EEPD1: variants seen among roughly 807,000 people sequenced by gnomAD.
The protein encoded by EEPD1 is endonuclease/exonuclease/phosphatase family domain-containing protein 1.
A neutral mutation model predicts 46.3 loss-of-function variants in EEPD1; 17 were observed. The observed-to-expected ratio is 0.37, with a 90% confidence interval of 0.25 to 0.55. The LOEUF (loss-of-function observed/expected upper bound fraction) is 0.55, where lower values mean the gene tolerates loss of function less well. Ranked by LOEUF, EEPD1 falls within the 20% of genes least tolerant of loss-of-function variation. The pLI, the probability that EEPD1 is intolerant of heterozygous loss-of-function variation, is 0.83. For synonymous variants in EEPD1, 313 were observed against 315.6 expected, an observed-to-expected ratio of 0.99 and a Z score of 0.09; for missense variants, 673 against 745.6, an observed-to-expected ratio of 0.90 and a Z score of 1.13.
Position 36,223,987 on chromosome 7 carries a change from C to T in EEPD1, c.879-14998C>T, listed in dbSNP as rs1786189423. Among the ~76,000 whole-genome samples the T allele has an allele frequency of 2.0e-5, 3 of 152,158 alleles. No individual in the cohort carries two copies. The South Asian group carries it at 6.2e-4, about 32-fold the overall frequency. On this transcript the variant is annotated intron_variant, in intron 2 of 7. Transcript: ENST00000242108. ...TTCTTTCTACATTTCAGTCTGTTCC[C>T]CTGCCTTTTCTTCCAAATTTTCCAG...
chr7:36,237,194 G>T lies in EEPD1; in HGVS notation c.879-1791G>T, dbSNP rs892244765. ...GAAACCACGAACCCACCATAAGGAA[G>T]AAACTCCGAACACGTCCAAACATCC... On this transcript the variant is annotated intron_variant, in intron 2 of 7. Coordinates refer to ENST00000242108, the MANE Select transcript of EEPD1 (RefSeq NM_030636.3). Among the ~76,000 whole-genome samples, 3 of 152,198 alleles carry T rather than the reference G, an allele frequency of 2.0e-5. No homozygotes were observed. The East Asian group carries it at 5.8e-4, about 29-fold the overall frequency.
intron 2 of EEPD1, among the ~76,000 whole-genome samples, chr7:36,227,945 C>T (rs920622004): frequency 5.9e-5 from 9 of 152,094 alleles, no homozygotes; most frequent in Non-Finnish European, 1.3e-4. Flanking sequence ...ACCTCAGCCT[C>T]CCAAAGTGAT....
At chr7:36,266,353 G>T (rs576361128) in intron 3 of EEPD1, among the ~76,000 whole-genome samples, 1 of 152,226 alleles carries the variant, frequency 6.6e-6, no homozygotes, top group South Asian at 2.1e-4. Flanking sequence ...GTAACCATAT[G>T]TGAAGAGACG....
chr7:36,157,564 A>C (rs1055320865), intron 2 of EEPD1, among the ~76,000 whole-genome samples: 1 of 152,166 alleles, frequency 6.6e-6, no homozygotes, highest in African/African-American at 2.4e-5. Context: ...AGTTTACCCA[A>C]ACCCACCAGG....
At chr7:36,296,214 T>C (rs1461850991) in intron 6 of EEPD1, among the ~76,000 whole-genome samples, 1 of 152,070 alleles carries the variant, frequency 6.6e-6, no homozygotes, top group Middle Eastern at 3.2e-3. Flanking sequence ...GGCTTTTCCC[T>C]TGGTCTCTTG....
chr7:36,298,306 T>C (rs1645559826), intron 7 of EEPD1, among the ~76,000 whole-genome samples: 1 of 152,166 alleles, frequency 6.6e-6, no homozygotes, highest in South Asian at 2.1e-4. Flanking sequence ...CTTTCAGTGG[T>C]TCCCTTCCTG....
intron 2 of EEPD1, among the ~76,000 whole-genome samples, chr7:36,194,561 A>G (rs1369129247): frequency 6.6e-6 from 1 of 152,114 alleles, no homozygotes. Context: ...AGTCTTCTGA[A>G]TCAAATCCCC....
chr7:36,165,045 GA>G (rs1311915919), intron 2 of EEPD1, among the ~76,000 whole-genome samples: 1 of 139,704 alleles, frequency 7.2e-6, no homozygotes, highest in East Asian at 2.0e-4. Flanking sequence ...AGTGAAGAAA[GA>G]AAAAACTTTT....
intron 2 of EEPD1, among the ~76,000 whole-genome samples, chr7:36,227,930 C>T (rs746800517): frequency 8.5e-5 from 13 of 152,068 alleles, no homozygotes; most frequent in African/African-American, 2.2e-4. Flanking sequence ...TCAGGTAATC[C>T]GCACACCTCA....
chr7:36,169,743 C>T (rs551768353), intron 2 of EEPD1, among the ~76,000 whole-genome samples: 16 of 152,284 alleles, frequency 1.1e-4, no homozygotes, highest in Non-Finnish European at 2.2e-4. Flanking sequence ...AAACAAACCC[C>T]GCATCTGGGA....
chr7:36,296,950 T>C (rs1202145281), intron 6 of EEPD1, 43 bp from the exon 7 acceptor site: 1 of 1,600,572 alleles, frequency 6.2e-7, no homozygotes, highest in East Asian at 2.2e-5. Flanking sequence ...TGGGTTTTAC[T>C]TCCCAACAAC....
At chr7:36,208,480 A>T (rs1471971968) in intron 2 of EEPD1, among the ~76,000 whole-genome samples, 1 of 152,186 alleles carries the variant, frequency 6.6e-6, no homozygotes, top group African/African-American at 2.4e-5. Context: ...CTCCATGCTG[A>T]TGCATTGGAA....
At position 36,276,507 on chromosome 7, in the gene EEPD1, A is replaced by G. The variant is rs568247787; in HGVS notation, c.931-4608A>G. ...TGTGCCATAGTGTGACGGGCTCAGT[A>G]TATTGCCTCATTCATTACCTCACAA... On this transcript the variant is annotated intron_variant, in intron 3 of 7. Transcript: ENST00000242108. 2.0e-5 allele frequency among the ~76,000 whole-genome samples: 3 copies of G among 152,296 alleles called. No homozygotes were observed. In the East Asian group the frequency reaches 5.8e-4, roughly 29 times the overall value.
At position 36,153,606 on chromosome 7, in the gene EEPD1, C is replaced by T. The variant is rs1434582379; in HGVS notation, c.-261C>T. Reference sequence around the variant, plus strand: ...GCTGGAGGCAGGGGGCCCGTGCTGTCCCGGGCTGGGCTCAGGCTTCCGAGC... The same window carrying T: ...GCTGGAGGCAGGGGGCCCGTGCTGTTCCGGGCTGGGCTCAGGCTTCCGAGC... On this transcript the variant is annotated 5_prime_UTR_variant, in exon 1 of 8. Coordinates refer to ENST00000242108, the MANE Select transcript of EEPD1 (RefSeq NM_030636.3). The T allele has an allele frequency of 1.3e-5, 2 of 152,508 alleles. No homozygotes were observed. The highest frequency in any genetic ancestry group is 2.9e-5 in the Non-Finnish European group (2 of 68,314). 9.4% of individuals were successfully genotyped at this position (152,508 alleles called of 1,614,324 possible).
chr7:36,170,402 C>G (rs1487540671), intron 2 of EEPD1, among the ~76,000 whole-genome samples: 1 of 140,726 alleles, frequency 7.1e-6, no homozygotes. Context: ...GAGTAAGACT[C>G]TGTCTCAAAA....
chr7:36,207,994 C>G (rs1252986994), intron 2 of EEPD1, among the ~76,000 whole-genome samples: 1 of 150,936 alleles, frequency 6.6e-6, no homozygotes, highest in African/African-American at 2.4e-5. Flanking sequence ...CAGTGCCAGT[C>G]TGAAGCCTGC....
Position 36,175,691 on chromosome 7 carries a change from G to A in EEPD1, c.878+20489G>A, listed in dbSNP as rs575873607. 2.6e-5 allele frequency among the ~76,000 whole-genome samples: 4 copies of A among 152,242 alleles called. No individual in the cohort carries two copies. The South Asian group carries it at 6.2e-4, about 24-fold the overall frequency. On this transcript the variant is annotated intron_variant, in intron 2 of 7. Transcript: ENST00000242108. ...ATGAGAACCCCACCTCCCTTCCTGG[G>A]TGTGACAGCTCAGTGTCTTCAGACA... is the stretch of plus-strand genomic sequence containing the variant.
chr7:36,159,334 T>C (rs184747152), intron 2 of EEPD1, among the ~76,000 whole-genome samples: 7 of 152,332 alleles, frequency 4.6e-5, no homozygotes, highest in African/African-American at 1.7e-4. Context: ...TGGTTGTATT[T>C]TTCTCATATG....
At chr7:36,263,823 T>C (rs1305141788) in intron 3 of EEPD1, among the ~76,000 whole-genome samples, 2 of 152,226 alleles carry the variant, frequency 1.3e-5, no homozygotes, top group African/African-American at 4.8e-5. Flanking sequence ...GGAGAATAAA[T>C]TGCTATGTAT....
Sources: gnomAD v4.1 joint callset for allele counts (sites outside exome capture counted in the v4.1 genomes callset) on GRCh38, gnomAD v4.1.1 for gene constraint, MANE v1.5 for transcripts, NCBI Gene and HGNC (gene_info 2026-07-23, HGNC 2026-07-21) for gene names.